Variants in NEB observed in about 807,000 individuals in gnomAD.
NEB encodes nebulin, also known as nemaline myopathy type 2.
Under a neutral mutation model 952.2 loss-of-function variants are expected in NEB, and 512 were observed. The ratio of observed to expected loss-of-function variants is 0.54; its 90% CI spans 0.50 to 0.58. The LOEUF (loss-of-function observed/expected upper bound fraction) is 0.58, where lower values mean the gene tolerates loss of function less well. NEB is among the 20% of genes least tolerant of loss of function. NEB has a pLI of 0.00. For synonymous variants in NEB, 2,900 were observed against 3,149.8 expected, an observed-to-expected ratio of 0.92 and a Z score of 2.66; for missense variants, 8,428 against 9,231.1, an observed-to-expected ratio of 0.91 and a Z score of 3.56.
Position 151,551,925 on chromosome 2 carries a change from C to T in NEB, c.19837-80G>A, listed in dbSNP as rs2095365833. ...CTTTAAAAAAAATAACGGTAGCCTG[C>T]TTCCCTTTGCCTGGAGAACTCATCT... On this transcript the variant is annotated intron_variant, in intron 128 of 181. Coordinates refer to ENST00000397345, the MANE Select transcript of NEB (RefSeq NM_001164508.2). The T allele has an allele frequency of 1.6e-5, 16 of 980,596 alleles. No individual in the cohort carries two copies. In the South Asian group the frequency reaches 2.4e-4, roughly 15 times the overall value. 60.7% of individuals were successfully genotyped at this position (980,596 alleles called of 1,614,324 possible). A position where few individuals can be genotyped will look rare whatever the true frequency, so the allele number is the denominator to read the frequency against.
At chr2:151,658,969 A>G in intron 47 of NEB, 96 bp downstream of exon 47, 1 of 949,358 alleles carries the variant, frequency 1.1e-6, no homozygotes, top group South Asian at 1.3e-5. Context: ...TTTTTAAAAC[A>G]TTCACTCTCA....
At chr2:151,652,072 T>C (rs2099036379) in intron 52 of NEB, among the ~76,000 whole-genome samples, 1 of 152,052 alleles carries the variant, frequency 6.6e-6, no homozygotes, top group Non-Finnish European at 1.5e-5. Context: ...ACCTATCAAG[T>C]GGAAGTGGAA....
At chr2:151,575,968 T>C (rs1291757844) in intron 106 of NEB, among the ~76,000 whole-genome samples, 169 bp from the exon 107 acceptor site, 2 of 152,170 alleles carry the variant, frequency 1.3e-5, no homozygotes, top group African/African-American at 2.4e-5. Context: ...ATAAAATCTG[T>C]ATTATTCCCT....
At chr2:151,546,838 C>T (rs1356866847) in intron 133 of NEB, among the ~76,000 whole-genome samples, 4 of 152,144 alleles carry the variant, frequency 2.6e-5, no homozygotes, top group African/African-American at 4.8e-5. Flanking sequence ...GGATTACAGG[C>T]GTGAGCCACC....
rs749924365 is a variant in NEB at position 151,493,353 on chromosome 2, C to T, written c.24765G>A (p.Ser8255=). Residue 8255 remains serine, a splice_region_variant and synonymous_variant, in exon 176 of 182, where the codon TCG becomes TCA. Transcript: ENST00000397345. ...ATTTCTTTTTAGTCCTAGAAAATAC[C>T]GAGCTAATGTTTTCTTGGTTGCGCT... ...RAKRNQENIS[S]VLYSDSFRKQ... 24 of 1,604,560 alleles carry T rather than the reference C, an allele frequency of 1.5e-5. No individual in the cohort carries two copies. Among genetic ancestry groups the T allele is most frequent in the South Asian group, 3.3e-5 (3 of 90,406 alleles).
At chr2:151,535,833 A>G (rs373503374) in intron 141 of NEB, 38 bp from the exon 142 acceptor site, 10 of 1,128,908 alleles carry the variant, frequency 8.9e-6, no homozygotes, top group Non-Finnish European at 1.2e-5. Context: ...ACAGCAGGCT[A>G]TGATTATCTT....
At chr2:151,551,630 G>T in intron 129 of NEB, 108 bp downstream of exon 129, 2 of 819,972 alleles carry the variant, frequency 2.4e-6, no homozygotes, top group Non-Finnish European at 4.0e-6. Context: ...CATGTGAATA[G>T]AACAGCATTT....
chr2:151,557,503 C>G (rs1040815922), intron 124 of NEB, among the ~76,000 whole-genome samples: 1 of 152,186 alleles, frequency 6.6e-6, no homozygotes, highest in African/African-American at 2.4e-5. Flanking sequence ...AGAGAATCCT[C>G]CCTAACTCAT....
chr2:151,575,527 C>A (rs2096797117), intron 107 of NEB, among the ~76,000 whole-genome samples, 168 bp downstream of exon 107: 1 of 152,188 alleles, frequency 6.6e-6, no homozygotes, highest in Non-Finnish European at 1.5e-5. Context: ...CAGTGAATCA[C>A]CAGGGATCTC....
chr2:151,527,097 C>G (rs1396261701), intron 147 of NEB, 75 bp from the exon 148 acceptor site: 41 of 945,734 alleles, frequency 4.3e-5, no homozygotes, highest in Non-Finnish European at 6.4e-5. Context: ...ATTAAACACA[C>G]AGGGAGTCCT....
chr2:151,560,948 G>A, intron 123 of NEB, 56 bp downstream of exon 123: 1 of 1,088,916 alleles, frequency 9.2e-7, no homozygotes, highest in Non-Finnish European at 1.4e-6. Context: ...TTCTCTTACT[G>A]TCCCAGAAGG....
chr2:151,631,127 G>A lies in NEB; in HGVS notation c.9618+16C>T. 1 of 1,613,276 alleles carries A rather than the reference G, an allele frequency of 6.2e-7. No homozygotes were observed. The highest frequency in any genetic ancestry group is 8.5e-7 in the Non-Finnish European group (1 of 1,179,384). On this transcript the variant is annotated intron_variant, in intron 66 of 181. Transcript: ENST00000397345. ...CTTCTGGCATCTTGGAGAAGCTTAA[G>A]GCAGCTAGGACTCACCTTATTCATG...
At chr2:151,566,937 A>AT (rs1393658847) in intron 114 of NEB, among the ~76,000 whole-genome samples, 3 of 152,076 alleles carry the variant, frequency 2.0e-5, no homozygotes, top group Admixed American at 6.6e-5. Flanking sequence ...AAAGCAGCAG[A>AT]TTTTTTTTAA....
Position 151,490,518 on chromosome 2 carries a change from A to G in NEB, c.25151T>C (p.Val8384Ala). 6.2e-7 allele frequency: 1 copy of G among 1,608,320 alleles called. No homozygotes were observed. The highest frequency in any genetic ancestry group is 1.1e-5 in the South Asian group (1 of 89,442). ...IQSRSLHMINVQAQRRSREQS... is the reference protein window; with the variant it reads ...IQSRSLHMINAQAQRRSREQS... ...CTCCCGGCTCCGGCGCTGAGCTTGG[A>G]CTGGGAGAGATGCAGTTGGGGGAGA... The change falls in exon 180 of 182, where the codon GTC becomes GCC. Residue 8384 changes from valine to alanine, a missense_variant and splice_region_variant. Coordinates refer to ENST00000397345, the MANE Select transcript of NEB (RefSeq NM_001164508.2).
At chr2:151,689,262 T>C (rs1446592558) in intron 24 of NEB, 3 of 137,526 alleles carry the variant, frequency 2.2e-5, no homozygotes, top group Non-Finnish European at 4.5e-5. Flanking sequence ...TGGAGTACAG[T>C]GACACAATCT....
In NEB at chr2:151,663,569, A is replaced by G. The variant is rs752711370; in HGVS notation, c.5742T>C (p.Asn1914=). ...PDAMSFELAK[N]MMQIQSDNQY... The stretch of plus-strand genomic sequence containing the variant: ...GTACATCACTTTGAATCTGCATCAT[A>G]TTTTTGGCCAATTCAAAGCTCATGG... The change falls in exon 45 of 182, where the codon AAT becomes AAC. Residue 1914 remains asparagine (N), a synonymous_variant. Coordinates refer to ENST00000397345, the MANE Select transcript of NEB (RefSeq NM_001164508.2). 2 of 1,609,962 alleles carry G rather than the reference A, an allele frequency of 1.2e-6. No homozygotes were observed. Among genetic ancestry groups the G allele is most frequent in the Admixed American group, 3.3e-5 (2 of 59,934 alleles).
chr2:151,496,012 A>C (rs1194500555), intron 173 of NEB, among the ~76,000 whole-genome samples: 1 of 152,180 alleles, frequency 6.6e-6, no homozygotes, highest in Non-Finnish European at 1.5e-5. Flanking sequence ...TAGTGGATAG[A>C]GAGTAAGTTT....
At chr2:151,653,590 T>C (rs2099055387) in intron 52 of NEB, among the ~76,000 whole-genome samples, 1 of 152,196 alleles carries the variant, frequency 6.6e-6, no homozygotes, top group South Asian at 2.1e-4. Context: ...TATTTTAAAA[T>C]ATGTGCATAT....
chr2:151,682,673 T>A lies in NEB; in HGVS notation c.2932A>T (p.Ile978Phe). Reference protein sequence around the residue: ...EMEKAKRASDILNEKKYRQHP... With the variant: ...EMEKAKRASDFLNEKKYRQHP... Reference sequence around the variant, plus strand: ...CCCAGTGGCTTTACCTCATTGAGGATGTCTGAAGCTCGCTTTGCCTTTTCC... The same window carrying A: ...CCCAGTGGCTTTACCTCATTGAGGAAGTCTGAAGCTCGCTTTGCCTTTTCC... Residue 978 changes from isoleucine to phenylalanine, a missense_variant, in exon 29 of 182, where the codon ATC (isoleucine) becomes TTC (phenylalanine). Physicochemically the swap from Ile to Phe is conservative, Grantham distance 21 (BLOSUM62 0). Coordinates refer to ENST00000397345, the MANE Select transcript of NEB (RefSeq NM_001164508.2). 6.2e-7 allele frequency: 1 copy of A among 1,612,230 alleles called. No homozygotes were observed. Among genetic ancestry groups the A allele is most frequent in the Non-Finnish European group, 8.5e-7 (1 of 1,178,800 alleles).
Sources: allele counts gnomAD v4.1 joint callset (sites outside exome capture counted in the v4.1 genomes callset), GRCh38; gene constraint gnomAD v4.1.1; transcripts MANE v1.5; gene names NCBI Gene and HGNC (gene_info 2026-07-23, HGNC 2026-07-21).